Variants in IL1RAPL2 observed in about 807,000 individuals in gnomAD.
IL1RAPL2 encodes interleukin 1 receptor accessory protein like 2, also known as X-linked interleukin-1 receptor accessory protein-like 2.
A neutral mutation model predicts 44.1 loss-of-function variants in IL1RAPL2; 3 were observed. The observed-to-expected ratio is 0.07, with a 90% confidence interval of 0.03 to 0.18. The LOEUF (loss-of-function observed/expected upper bound fraction) is 0.18, where lower values mean the gene tolerates loss of function less well. Ranked by LOEUF, IL1RAPL2 falls within the 10% of genes least tolerant of loss-of-function variation. The probability of loss-of-function intolerance (pLI) is 1.00; values close to 1 mark genes in which losing one functional copy is unlikely to be tolerated. For missense variants in IL1RAPL2, 391 were observed against 496.4 expected (o/e 0.79, Z 2.02); for synonymous variants, 181 against 178.8 (o/e 1.01, Z -0.10).
chrX:105,399,235 T>G (rs1030997204), intron 5 of IL1RAPL2, among the ~76,000 whole-genome samples: 2 of 111,628 alleles, frequency 1.8e-5, no homozygotes, highest in Non-Finnish European at 3.8e-5. Context: ...TTGACCCATT[T>G]TTTTATTCCT....
At chrX:104,677,416 A>G (rs749874949) in intron 2 of IL1RAPL2, among the ~76,000 whole-genome samples, 2 of 111,270 alleles carry the variant, frequency 1.8e-5, no homozygotes, top group South Asian at 7.7e-4. Flanking sequence ...CTCAGGGTTC[A>G]GGGGTCAGGG....
rs1018226433 is a variant in IL1RAPL2, at chrX:104,597,858, T to A, written c.-20+30807T>A. Among the ~76,000 whole-genome samples the A allele has an allele frequency of 6.3e-5, 7 of 111,963 alleles. No individual in the cohort carries two copies. In the Admixed American group the frequency reaches 6.6e-4, roughly 11 times the overall value. ...AGTTCAGTTTTGGATAAGCTGAGTT[T>A]TAAGTACCTATTGAACATCAAATGA... On this transcript the variant is annotated intron_variant, in intron 1 of 10. Coordinates refer to ENST00000372582, the MANE Select transcript of IL1RAPL2 (RefSeq NM_017416.2).
chrX:105,132,767 T>C (rs2033040372), intron 2 of IL1RAPL2, among the ~76,000 whole-genome samples: 1 of 111,925 alleles, frequency 8.9e-6, no homozygotes, highest in Non-Finnish European at 1.9e-5. Context: ...TCTTCTATTC[T>C]TTATATTGTG....
chrX:105,535,501 C>A, intron 6 of IL1RAPL2, among the ~76,000 whole-genome samples: 1 of 112,103 alleles, frequency 8.9e-6, no homozygotes, highest in East Asian at 2.8e-4. Flanking sequence ...CATAAACACA[C>A]ATGAATGTTC....
intron 5 of IL1RAPL2, among the ~76,000 whole-genome samples, chrX:105,454,611 A>G (rs768654393): frequency 1.4e-4 from 16 of 111,775 alleles, no homozygotes; most frequent in Non-Finnish European, 2.8e-4. Flanking sequence ...CACCTACTCA[A>G]TGCCCTCTAC....
intron 5 of IL1RAPL2, among the ~76,000 whole-genome samples, chrX:105,331,586 CTTGT>C (rs2034987030): frequency 3.6e-5 from 4 of 111,272 alleles, no homozygotes. Context: ...GGAAAAAAAA[CTTGT>C]TTGTGACCTT....
intron 2 of IL1RAPL2, among the ~76,000 whole-genome samples, chrX:105,156,050 T>C (rs915742076): frequency 9.8e-5 from 11 of 111,738 alleles, no homozygotes; most frequent in Non-Finnish European, 2.1e-4. Context: ...ACTCTACTTT[T>C]AGTAAGCACT....
intron 5 of IL1RAPL2, among the ~76,000 whole-genome samples, chrX:105,329,425 G>T (rs1269643518): frequency 1.8e-5 from 2 of 111,863 alleles, no homozygotes; most frequent in African/African-American, 6.5e-5. Flanking sequence ...TCCTATTCCA[G>T]TGATTATTCT....
At chrX:105,024,286 C>T (rs1360942910) in intron 2 of IL1RAPL2, among the ~76,000 whole-genome samples, 1 of 111,502 alleles carries the variant, frequency 9.0e-6, no homozygotes, top group Non-Finnish European at 1.9e-5. Context: ...TGCTTTGAAG[C>T]ATTCTGGCAA....
intron 6 of IL1RAPL2, among the ~76,000 whole-genome samples, chrX:105,560,779 G>GTA (rs1207672277): frequency 9.1e-6 from 1 of 110,214 alleles, no homozygotes; most frequent in African/African-American, 3.3e-5. Flanking sequence ...TATTTATGGA[G>GTA]TACGGTGACA....
At chrX:105,014,434 G>T (rs2031129528) in intron 2 of IL1RAPL2, among the ~76,000 whole-genome samples, 1 of 110,670 alleles carries the variant, frequency 9.0e-6, no homozygotes, top group African/African-American at 3.3e-5. Context: ...ATCTACAGTA[G>T]GTATTTCTCC....
chrX:104,909,626 T>TA (rs1924162385), intron 2 of IL1RAPL2, among the ~76,000 whole-genome samples: 2 of 111,866 alleles, frequency 1.8e-5, no homozygotes, highest in Non-Finnish European at 3.8e-5. Context: ...AGTGTGCTCC[T>TA]GTTGGGGGGT....
In IL1RAPL2 at chrX:105,406,042, G is replaced by A. The variant is rs562094505; in HGVS notation, c.698-78271G>A. 1,507 of 1,202,054 alleles carry A rather than the reference G, an allele frequency of 1.3e-3. 21 individuals are homozygous for A. In the South Asian group the frequency reaches 0.025, roughly 20 times the overall value. On this transcript the variant is annotated intron_variant, in intron 5 of 10. Transcript: ENST00000372582. ...TGGCTGACATTAAATGTTGGAGGGCGGTACTTTACAACTACACGCATTACT... is the reference window on the plus strand; with the variant it reads ...TGGCTGACATTAAATGTTGGAGGGCAGTACTTTACAACTACACGCATTACT...
intron 5 of IL1RAPL2, among the ~76,000 whole-genome samples, chrX:105,319,170 G>A (rs1010001074): frequency 2.7e-5 from 3 of 111,732 alleles, no homozygotes; most frequent in African/African-American, 9.8e-5. Flanking sequence ...TGTTGGCTAT[G>A]TTTAGATTTC....
chrX:105,046,380 T>G (rs1435348263), intron 2 of IL1RAPL2, among the ~76,000 whole-genome samples: 3 of 111,837 alleles, frequency 2.7e-5, no homozygotes, highest in Non-Finnish European at 5.6e-5. Flanking sequence ...CTCTGCTTTC[T>G]GATCAGAATT....
chrX:105,248,914 C>A (rs2034245681), intron 4 of IL1RAPL2, among the ~76,000 whole-genome samples: 2 of 111,351 alleles, frequency 1.8e-5, no homozygotes, highest in South Asian at 3.8e-4. Context: ...ATTACTACAA[C>A]CCCTATGGAG....
intron 6 of IL1RAPL2, among the ~76,000 whole-genome samples, chrX:105,619,482 C>A (rs1273155557): frequency 9.0e-6 from 1 of 111,504 alleles, no homozygotes; most frequent in Non-Finnish European, 1.9e-5. Context: ...AAATAACCAG[C>A]TCAATAATCC....
chrX:104,704,107 T>C (rs1931324977), intron 2 of IL1RAPL2, among the ~76,000 whole-genome samples: 1 of 112,139 alleles, frequency 8.9e-6, no homozygotes, highest in African/African-American at 3.2e-5. Flanking sequence ...TTATGTGGCA[T>C]GGTGGCATTT....
At position 104,880,807 on chromosome X, in the gene IL1RAPL2, T is replaced by A. The variant is rs368416150; in HGVS notation, c.82+221812T>A. Reference sequence around the variant, plus strand: ...TCTGTCACAAAACTATACCTTTCTGTTTTCCAAAATCAAAGGTGCAATAGA... The same window carrying A: ...TCTGTCACAAAACTATACCTTTCTGATTTCCAAAATCAAAGGTGCAATAGA... On this transcript the variant is annotated intron_variant, in intron 2 of 10. Coordinates refer to ENST00000372582, the MANE Select transcript of IL1RAPL2 (RefSeq NM_017416.2). 3.8e-4 allele frequency among the ~76,000 whole-genome samples: 43 copies of A among 112,135 alleles called. 3 individuals are homozygous for A. The highest frequency in any genetic ancestry group is 2.7e-3 in the Admixed American group (29 of 10,584).
Sources: allele counts gnomAD v4.1 joint callset (sites outside exome capture counted in the v4.1 genomes callset), GRCh38; gene constraint gnomAD v4.1.1; transcripts MANE v1.5; gene names NCBI Gene and HGNC (gene_info 2026-07-23, HGNC 2026-07-21).